Variants in UBA6 observed in about 807,000 individuals in gnomAD.
UBA6 encodes the protein ubiquitin-like modifier-activating enzyme 6.
Under a neutral mutation model 148.3 loss-of-function variants are expected in UBA6, and 87 were observed. That is an observed-to-expected ratio of 0.59 (90% CI 0.49 to 0.70). The LOEUF (loss-of-function observed/expected upper bound fraction) is 0.70, where lower values mean the gene tolerates loss of function less well. Ranked by LOEUF, UBA6 falls within the 30% of genes least tolerant of loss-of-function variation. The pLI is 0.00. For synonymous variants in UBA6, 376 were observed against 401.0 expected, an observed-to-expected ratio of 0.94 and a Z score of 0.75; for missense variants, 1,186 against 1,241.2, an observed-to-expected ratio of 0.96 and a Z score of 0.67.
At chr4:67,698,883 C>G (rs145801172) in intron 1 of UBA6, among the ~76,000 whole-genome samples, 2,050 of 152,064 alleles carry the variant, frequency 0.013, 44 homozygotes, top group African/African-American at 0.047. Context: ...TCGCTTGAAC[C>G]CGGGAGGAGG....
Position 67,615,499 on chromosome 4 carries a change from C to CT in UBA6, c.*3497dup, listed in dbSNP as rs1728607865. On this transcript the variant is annotated 3_prime_UTR_variant, in exon 33 of 33. Transcript: ENST00000322244. ...TGCTTAGAAAAAAATTTGTAATCAT[C>CT]TAATAAAATTTAAGATATGAATACC... 1 of 152,084 alleles carries CT rather than the reference C, an allele frequency of 6.6e-6. No homozygotes were observed. Among genetic ancestry groups the CT allele is most frequent in the African/African-American group, 2.4e-5 (1 of 41,410 alleles). The allele number at this position is 152,084 out of a possible 1,614,324, so 9.4% of individuals were successfully genotyped here.
intron 25 of UBA6, among the ~76,000 whole-genome samples, chr4:67,631,448 AAG>A (rs543807972): frequency 5.1e-4 from 77 of 152,336 alleles, no homozygotes; most frequent in African/African-American, 1.8e-3. Context: ...TAAAGTAAAA[AAG>A]GTGATTTTGG....
chr4:67,658,460 A>G (rs1166106249), intron 13 of UBA6, among the ~76,000 whole-genome samples: 2 of 152,198 alleles, frequency 1.3e-5, no homozygotes, highest in African/African-American at 4.8e-5. Context: ...CAGAAAACCA[A>G]ATACCACGTG....
intron 1 of UBA6, among the ~76,000 whole-genome samples, chr4:67,699,519 C>T (rs1262104532): frequency 6.6e-6 from 1 of 151,828 alleles, no homozygotes; most frequent in Non-Finnish European, 1.5e-5. Flanking sequence ...TCTAAGAGAT[C>T]ACCTACCTAA....
rs1730345665 is a variant in UBA6, at chr4:67,678,533, C to T, written c.259G>A (p.Ala87Thr). Residue 87 changes from alanine (A) to threonine (T), a missense_variant and splice_region_variant, in exon 5 of 33, where the codon GCA becomes ACA. Physicochemically the swap from Ala to Thr is moderately conservative, Grantham distance 58 (BLOSUM62 0). Coordinates refer to ENST00000322244, the MANE Select transcript of UBA6 (RefSeq NM_018227.6). ...TTTTCTGTATCATGAATTGTAACTG[C>T]CTTCAAAAAAGAAAAAAGTATTGGT... is the stretch of plus-strand genomic sequence containing the variant. ...AKNLVLAGIK[A>T]VTIHDTEKCQ... 6.3e-7 allele frequency: 1 copy of T among 1,577,920 alleles called. No homozygotes were observed. The highest frequency in any genetic ancestry group is 1.4e-5 in the African/African-American group (1 of 73,898).
At chr4:67,627,106 T>G (rs540310367) in intron 27 of UBA6, among the ~76,000 whole-genome samples, 1 of 152,044 alleles carries the variant, frequency 6.6e-6, no homozygotes, top group African/African-American at 2.4e-5. Flanking sequence ...AATTTAACCT[T>G]AAGAAATTAC....
chr4:67,626,958 GA>G (rs1728883164), intron 27 of UBA6, among the ~76,000 whole-genome samples: 1 of 151,870 alleles, frequency 6.6e-6, no homozygotes, highest in Non-Finnish European at 1.5e-5. Context: ...TCACATCAAG[GA>G]AACTAAAGCA....
intron 6 of UBA6, 55 bp from the exon 7 acceptor site, chr4:67,673,832 T>C (rs1296717771): frequency 3.2e-6 from 4 of 1,259,610 alleles, no homozygotes; most frequent in Non-Finnish European, 4.6e-6. Context: ...TTTTTTGTAG[T>C]ATACAATAAT....
intron 2 of UBA6, among the ~76,000 whole-genome samples, chr4:67,682,436 T>G (rs371078076): frequency 6.6e-6 from 1 of 152,134 alleles, no homozygotes; most frequent in African/African-American, 2.4e-5. Context: ...CTCAAGGCAA[T>G]AGACAGATGG....
intron 2 of UBA6, among the ~76,000 whole-genome samples, chr4:67,684,641 A>G (rs1730515690): frequency 7.8e-6 from 1 of 128,888 alleles, no homozygotes; most frequent in Admixed American, 7.7e-5. Flanking sequence ...TTAAAGACAC[A>G]AGATATGCAT....
rs796660364 is a variant in UBA6 at position 67,665,292 on chromosome 4, A to T, written c.794T>A (p.Val265Glu). 5 of 1,575,694 alleles carry T rather than the reference A, an allele frequency of 3.2e-6. No individual in the cohort carries two copies. In the African/African-American group the frequency reaches 5.5e-5, roughly 17 times the overall value. ...GLNGSIQQIT[V>E]ISPFSFSIGD... ...AATACTAAAAGAAAATGGCGATATC[A>T]CTAGAAGACAAAAAATTTAAAAAAT... The change falls in exon 10 of 33, where the codon GTG becomes GAG. Residue 265 changes from valine (V) to glutamate (E), a missense_variant and splice_region_variant. Physicochemically the swap from Val to Glu is moderately radical, Grantham distance 121. Transcript: ENST00000322244.
chr4:67,619,528 G>A (rs894980212), intron 32 of UBA6, among the ~76,000 whole-genome samples: 9 of 152,034 alleles, frequency 5.9e-5, no homozygotes, highest in Non-Finnish European at 1.2e-4. Flanking sequence ...ATACAAAAAC[G>A]AGACGGGAAC....
intron 9 of UBA6, among the ~76,000 whole-genome samples, chr4:67,665,883 G>A (rs1014229730): frequency 6.6e-6 from 1 of 152,122 alleles, no homozygotes; most frequent in African/African-American, 2.4e-5. Flanking sequence ...TTAAAACCAT[G>A]TAGTAAGGAA....
intron 19 of UBA6, among the ~76,000 whole-genome samples, 195 bp from the exon 20 acceptor site, chr4:67,635,753 A>G (rs13151509): frequency 1.1e-5 from 1 of 91,442 alleles, no homozygotes; most frequent in Non-Finnish European, 2.6e-5. Context: ...ATATACATCT[A>G]GTAGTACCCT....
chr4:67,619,880 T>C (rs1442709786), intron 32 of UBA6, among the ~76,000 whole-genome samples: 1 of 152,200 alleles, frequency 6.6e-6, no homozygotes, highest in African/African-American at 2.4e-5. Flanking sequence ...ATCATTGTAT[T>C]GGCTTCTAGC....
chr4:67,670,608 A>G lies in UBA6; in HGVS notation c.547-16T>C. On this transcript the variant is annotated splice_polypyrimidine_tract_variant and intron_variant, in intron 7 of 32. Coordinates refer to ENST00000322244, the MANE Select transcript of UBA6 (RefSeq NM_018227.6). ...CACTGATAAACTGTAAAATGGCAAA[A>G]ACAAGTTCAATCTTATTTATATAAA... 1 of 1,590,898 alleles carries G rather than the reference A, an allele frequency of 6.3e-7. No homozygotes were observed. The highest frequency in any genetic ancestry group is 8.6e-7 in the Non-Finnish European group (1 of 1,166,872).
At chr4:67,646,619 C>G in intron 15 of UBA6, 105 bp downstream of exon 15, 1 of 793,852 alleles carries the variant, frequency 1.3e-6, no homozygotes, top group East Asian at 2.9e-5. Context: ...AAAACAACTA[C>G]AAAAGTGATT....
chr4:67,696,538 CACACAT>C (rs894734029), intron 2 of UBA6, 101 bp downstream of exon 2: 2 of 786,248 alleles, frequency 2.5e-6, no homozygotes, highest in East Asian at 2.6e-5. Context: ...CACACACACA[CACACAT>C]ATAATTCTGC....
chr4:67,632,318 T>C (rs1729018026), intron 23 of UBA6, among the ~76,000 whole-genome samples: 1 of 152,146 alleles, frequency 6.6e-6, no homozygotes, highest in Admixed American at 6.5e-5. Flanking sequence ...ATGTTTGAGA[T>C]TTGCTTCAAA....
Sources: gnomAD v4.1 joint callset for allele counts (sites outside exome capture counted in the v4.1 genomes callset) on GRCh38, gnomAD v4.1.1 for gene constraint, MANE v1.5 for transcripts, NCBI Gene and HGNC (gene_info 2026-07-23, HGNC 2026-07-21) for gene names.